The following ASAP1 variants were observed in gnomAD, a reference collection of about 807,000 sequenced individuals.
The protein encoded by ASAP1 is arf-GAP with SH3 domain, ANK repeat and PH domain-containing protein 1.
Under a neutral mutation model 145.2 loss-of-function variants are expected in ASAP1, and 43 were observed. The ratio of observed to expected loss-of-function variants is 0.30; its 90% confidence interval spans 0.23 to 0.38. The LOEUF (loss-of-function observed/expected upper bound fraction) is 0.38, where lower values mean the gene tolerates loss of function less well. ASAP1 is among the 10% of genes least tolerant of loss of function. The probability of loss-of-function intolerance (pLI) is 1.00; values close to 1 mark genes in which losing one functional copy is unlikely to be tolerated. For missense variants in ASAP1, 1,018 were observed against 1,355.3 expected, an observed-to-expected ratio of 0.75 and a Z score of 3.91; for synonymous variants, 546 against 515.5, an observed-to-expected ratio of 1.06 and a Z score of -0.80.
intron 2 of ASAP1, among the ~76,000 whole-genome samples, chr8:130,384,991 C>T (rs531715828): frequency 1.3e-5 from 2 of 152,270 alleles, no homozygotes; most frequent in South Asian, 4.1e-4. Flanking sequence ...CACCATGGCT[C>T]TATGGAGGCC....
intron 3 of ASAP1, among the ~76,000 whole-genome samples, chr8:130,301,954 T>C (rs941270504): frequency 6.6e-6 from 1 of 152,246 alleles, no homozygotes; most frequent in African/African-American, 2.4e-5. Context: ...GACTGTAACC[T>C]CCACGATGGC....
intron 11 of ASAP1, among the ~76,000 whole-genome samples, chr8:130,161,782 T>C (rs943497338): frequency 2.0e-5 from 3 of 152,186 alleles, no homozygotes; most frequent in Non-Finnish European, 4.4e-5. Flanking sequence ...TCCCTAAATA[T>C]TTCCTTTTAA....
At chr8:130,331,016 G>C (rs1824652542) in intron 3 of ASAP1, among the ~76,000 whole-genome samples, 1 of 152,118 alleles carries the variant, frequency 6.6e-6, no homozygotes, top group African/African-American at 2.4e-5. Context: ...CCATTGGCCA[G>C]ACCAGCCTTT....
chr8:130,185,622 G>A (rs1025347303), intron 7 of ASAP1, among the ~76,000 whole-genome samples: 4 of 151,484 alleles, frequency 2.6e-5, no homozygotes, highest in Admixed American at 6.6e-5. Flanking sequence ...CCAATTACTC[G>A]GGAGGCTGAG....
intron 5 of ASAP1, chr8:130,194,994 C>A (rs1455358731): frequency 6.6e-6 from 1 of 152,086 alleles, no homozygotes; most frequent in East Asian, 1.9e-4. Context: ...TCCTGTATGA[C>A]CTTCATTATC....
intron 7 of ASAP1, among the ~76,000 whole-genome samples, chr8:130,186,643 T>C (rs980189677): frequency 2.0e-5 from 3 of 152,190 alleles, no homozygotes; most frequent in Admixed American, 1.3e-4. Flanking sequence ...GCCCATGCTA[T>C]GCTGAGGCTC....
At chr8:130,415,624 C>T (rs529183404) in intron 1 of ASAP1, among the ~76,000 whole-genome samples, 34 of 152,196 alleles carry the variant, frequency 2.2e-4, no homozygotes, top group African/African-American at 7.5e-4. Context: ...CCCATTTCTA[C>T]GAAAAATACA....
chr8:130,424,037 C>T (rs751140530), intron 1 of ASAP1, among the ~76,000 whole-genome samples: 1 of 152,024 alleles, frequency 6.6e-6, no homozygotes, highest in Non-Finnish European at 1.5e-5. Context: ...CCACTGAATT[C>T]TGCAATTTAA....
intron 1 of ASAP1, among the ~76,000 whole-genome samples, chr8:130,435,578 T>C (rs988761581): frequency 6.6e-6 from 1 of 152,240 alleles, no homozygotes; most frequent in East Asian, 1.9e-4. Context: ...TTTACATTTT[T>C]ATAAATGTTC....
chr8:130,403,849 C>T (rs1161266077), intron 1 of ASAP1, among the ~76,000 whole-genome samples: 7 of 152,234 alleles, frequency 4.6e-5, no homozygotes, highest in East Asian at 1.9e-4. Flanking sequence ...CCTCTGTGCC[C>T]GGCCCATTGG....
At chr8:130,181,067 G>A (rs1344826107) in intron 7 of ASAP1, among the ~76,000 whole-genome samples, 187 bp from the exon 8 acceptor site, 1 of 148,248 alleles carries the variant, frequency 6.7e-6, no homozygotes. Flanking sequence ...TGTGTGGGGG[G>A]AGGGAGCATA....
At chr8:130,159,085 GA>G (rs1277353047) in intron 12 of ASAP1, among the ~76,000 whole-genome samples, 1 of 152,044 alleles carries the variant, frequency 6.6e-6, no homozygotes, top group Non-Finnish European at 1.5e-5. Context: ...GTGAACTGCA[GA>G]AAAAGAAGAA....
chr8:130,408,117 C>T (rs944106003), intron 1 of ASAP1, among the ~76,000 whole-genome samples: 1 of 152,194 alleles, frequency 6.6e-6, no homozygotes, highest in African/African-American at 2.4e-5. Flanking sequence ...CAAACTTTCC[C>T]AGCCCAGTAA....
chr8:130,297,127 T>A (rs377418394), intron 3 of ASAP1, among the ~76,000 whole-genome samples: 32 of 152,286 alleles, frequency 2.1e-4, no homozygotes, highest in African/African-American at 7.5e-4. Flanking sequence ...TAATCTAATT[T>A]AAGCATAGTT....
chr8:130,159,128 G>A (rs1019353309), intron 12 of ASAP1, among the ~76,000 whole-genome samples: 2 of 152,162 alleles, frequency 1.3e-5, no homozygotes, highest in African/African-American at 2.4e-5. Flanking sequence ...TTAGGAGGCC[G>A]CTGAATACTC....
intron 24 of ASAP1, among the ~76,000 whole-genome samples, chr8:130,097,167 T>G: frequency 8.2e-6 from 1 of 122,334 alleles, no homozygotes; most frequent in Admixed American, 8.4e-5. Context: ...AAAAAGTCCT[T>G]GAAAACTGTA....
chr8:130,167,486 G>T, intron 11 of ASAP1, 50 bp downstream of exon 11: 1 of 1,442,392 alleles, frequency 6.9e-7, no homozygotes, highest in Non-Finnish European at 9.8e-7. Context: ...GGTATTACAA[G>T]CAGCCTTACC....
chr8:130,338,746 T>A lies in ASAP1; in HGVS notation c.186+19271A>T, dbSNP rs139782270. On this transcript the variant is annotated intron_variant, in intron 3 of 29. Coordinates refer to ENST00000518721, the MANE Select transcript of ASAP1 (RefSeq NM_018482.4). ...CAGCTGAATGCTGAGGACAATCCCA[T>A]CTCCCCTGCCACACCAATGCTCCAC... Among the ~76,000 whole-genome samples the A allele has an allele frequency of 2.9e-3, 436 of 152,260 alleles. 4 individuals carry two copies. Among genetic ancestry groups the A allele is most frequent in the African/African-American group, 0.01 (420 of 41,558 alleles).
In ASAP1 at chr8:130,272,779, A is replaced by G. The variant is rs544152311; in HGVS notation, c.187-35785T>C. On this transcript the variant is annotated intron_variant, in intron 3 of 29. Coordinates refer to ENST00000518721, the MANE Select transcript of ASAP1 (RefSeq NM_018482.4). ...AGAACAATATCTTATGTTCTCACTC[A>G]TATGTGGGAGCTAAAAATGTTGAGG... Among the ~76,000 whole-genome samples, 4 of 152,348 alleles carry G rather than the reference A, an allele frequency of 2.6e-5. No individual in the cohort carries two copies. The South Asian group carries it at 6.2e-4, about 24-fold the overall frequency.
Sources: gnomAD v4.1 joint callset for allele counts (sites outside exome capture counted in the v4.1 genomes callset) on GRCh38, gnomAD v4.1.1 for gene constraint, MANE v1.5 for transcripts, NCBI Gene and HGNC (gene_info 2026-07-23, HGNC 2026-07-21) for gene names.